MARF1: variants seen among roughly 807,000 people sequenced by gnomAD.
The protein encoded by MARF1 is meiosis regulator and mRNA stability factor 1, also known as limkain-b1.
In MARF1, 24 loss-of-function variants were observed where a neutral mutation model predicts 168.2. The observed-to-expected ratio is 0.14, with a 90% CI of 0.10 to 0.20. The LOEUF (loss-of-function observed/expected upper bound fraction) is 0.20. Among genes scored for constraint, MARF1 ranks in the 10% least tolerant of loss-of-function variants. The probability of loss-of-function intolerance (pLI) is 1.00; values close to 1 mark genes in which losing one functional copy is unlikely to be tolerated. For synonymous variants in MARF1, 868 were observed against 822.4 expected (o/e 1.06, Z -0.95); for missense variants, 1,744 against 2,143.6 (o/e 0.81, Z 3.68).
At position 15,602,623 on chromosome 16, in the gene MARF1, A is replaced by AAGGAAAGGAGGGAGGCAGAG. The variant is rs1555520448; in HGVS notation, c.4414-421_4414-420insCTCTGCCTCCCTCCTTTCCT. 4.8e-5 allele frequency: 22 copies of AAGGAAAGGAGGGAGGCAGAG among 455,302 alleles called. No homozygotes were observed. In the Middle Eastern group the frequency reaches 1.4e-3, roughly 29 times the overall value. The allele number at this position is 455,302 out of a possible 1,614,324, so 28.2% of individuals were successfully genotyped here. A position where few individuals can be genotyped will look rare whatever the true frequency, so the allele number is the denominator to read the frequency against. ...CAAAGAAGAAGAAAGGAGGAGGAGG[A>AAGGAAAGGAGGGAGGCAGAG]AGGAAAGAAGGAAGAGGAGAAAGAA... On this transcript the variant is annotated intron_variant, in intron 22 of 26. Coordinates refer to ENST00000396368, the MANE Select transcript of MARF1 (RefSeq NM_014647.4).
chr16:15,600,743 G>A (rs1461464530), intron 23 of MARF1, 42 bp from the exon 24 acceptor site: 28 of 1,601,478 alleles, frequency 1.7e-5, no homozygotes, highest in East Asian at 4.5e-5. Flanking sequence ...CGGAAAAGGA[G>A]GGGACAGAAG....
chr16:15,618,872 G>A (rs2034253179), intron 13 of MARF1, among the ~76,000 whole-genome samples: 1 of 152,194 alleles, frequency 6.6e-6, no homozygotes, highest in Non-Finnish European at 1.5e-5. Context: ...TCCTTGCCAT[G>A]CTTTATTTCC....
In MARF1 at chr16:15,637,729, T is replaced by C. The variant is rs191037961; in HGVS notation, c.144+1361A>G. The stretch of plus-strand genomic sequence containing the variant: ...ATCTACCACCCCATCCCAGGAAGCC[T>C]TGCTTTTGATGCCAACCCTCACTGT... On this transcript the variant is annotated intron_variant, in intron 2 of 26. Transcript: ENST00000396368. Among the ~76,000 whole-genome samples the C allele has an allele frequency of 5.4e-4, 82 of 152,318 alleles. 1 individual carries two copies. Among genetic ancestry groups the C allele is most frequent in the Non-Finnish European group, 9.9e-4 (67 of 68,006 alleles).
intron 21 of MARF1, among the ~76,000 whole-genome samples, chr16:15,606,428 C>T (rs2033019007): frequency 6.6e-6 from 1 of 152,156 alleles, no homozygotes; most frequent in Non-Finnish European, 1.5e-5. Flanking sequence ...TGCCAACTTG[C>T]AGTGAGCTCT....
Position 15,600,428 on chromosome 16 carries a change from C to T in MARF1, c.4813G>A (p.Gly1605Arg), listed in dbSNP as rs2032297381. Reference sequence around the variant, plus strand: ...TATGTCTCTGCTTTTCCTCTCTTACCACTGCCGTCAGCTCCAAGCTTGAGT... The same window carrying T: ...TATGTCTCTGCTTTTCCTCTCTTACTACTGCCGTCAGCTCCAAGCTTGAGT... ...SELKLGADGS[G>R]PSHTEQELLR... The change falls in exon 25 of 27, where the codon GGG (glycine) becomes AGG (arginine). Residue 1605 changes from glycine (G) to arginine (R), a missense_variant and splice_region_variant. This residue lies in a region of MARF1 where 313 missense variants were observed against 337.4 expected (regional missense o/e 0.93). Coordinates refer to ENST00000396368, the MANE Select transcript of MARF1 (RefSeq NM_014647.4). The T allele has an allele frequency of 6.2e-7, 1 of 1,614,012 alleles. No homozygotes were observed.
At chr16:15,637,478 C>T (rs982152597) in intron 2 of MARF1, among the ~76,000 whole-genome samples, 2 of 152,230 alleles carry the variant, frequency 1.3e-5, no homozygotes, top group Non-Finnish European at 2.9e-5. Context: ...AGGGAGATAA[C>T]AGCAACGGGC....
intron 8 of MARF1, 79 bp from the exon 9 acceptor site, chr16:15,625,252 T>C: frequency 6.4e-7 from 1 of 1,567,756 alleles, no homozygotes; most frequent in East Asian, 2.3e-5. Context: ...AACGATTGAC[T>C]TTGAGTATCA....
In MARF1 at chr16:15,639,193, G is replaced by A; in HGVS notation, c.41C>T (p.Thr14Ile). The A allele has an allele frequency of 2.5e-6, 4 of 1,614,104 alleles. No homozygotes were observed. Among genetic ancestry groups the A allele is most frequent in the Non-Finnish European group, 3.4e-6 (4 of 1,179,994 alleles). ...GNGTENSCSR[T>I]RGWLQQDNDA... ...ATTATCTTGTTGAAGCCATCCACGT[G>A]TTCTACTGCAGGAGTTCTCAGTTCC... Residue 14 changes from threonine (T) to isoleucine (I), a missense_variant, in exon 2 of 27, where the codon ACA becomes ATA. By Grantham distance (89) the Thr-to-Ile change is moderately conservative. Coordinates refer to ENST00000396368, the MANE Select transcript of MARF1 (RefSeq NM_014647.4).
rs186303786 is a variant in MARF1, at chr16:15,617,264, A to T, written c.2957+35T>A. On this transcript the variant is annotated intron_variant, in intron 14 of 26. Coordinates refer to ENST00000396368, the MANE Select transcript of MARF1 (RefSeq NM_014647.4). ...CTAACATGTTCCACAATCTTATAGA[A>T]AAGAATTACTTCTAAAGGAAAACGA... 4.9e-4 allele frequency: 794 copies of T among 1,610,618 alleles called. 4 individuals are homozygous for T. The highest frequency in any genetic ancestry group is 4.7e-5 in the Non-Finnish European group (55 of 1,177,170).
At chr16:15,598,815 C>A (rs777573537) in intron 26 of MARF1, 39 bp downstream of exon 26, 10 of 1,605,092 alleles carry the variant, frequency 6.2e-6, no homozygotes, top group Non-Finnish European at 7.7e-6. Context: ...TTGTTTTAAA[C>A]CCCGAAGAAA....
In MARF1 at chr16:15,608,487, G is replaced by A. The variant is rs2033221310; in HGVS notation, c.3986C>T (p.Thr1329Ile). 2 of 1,614,040 alleles carry A rather than the reference G, an allele frequency of 1.2e-6. No individual in the cohort carries two copies. The highest frequency in any genetic ancestry group is 1.7e-6 in the Non-Finnish European group (2 of 1,179,958). The change falls in exon 21 of 27, where the codon ACT becomes ATT. Residue 1329 changes from threonine to isoleucine, a missense_variant. Physicochemically the swap from Thr to Ile is moderately conservative, Grantham distance 89. Coordinates refer to ENST00000396368, the MANE Select transcript of MARF1 (RefSeq NM_014647.4). ...TTTGAACCGCTCCACCTCTGTCAGA[G>A]TAAGGATCTTTTCTTCTCCACATTC... Reference protein sequence around the residue: ...VLECGEEKILTLTEVERFKAL... With the variant: ...VLECGEEKILILTEVERFKAL...
intron 26 of MARF1, among the ~76,000 whole-genome samples, chr16:15,598,508 C>T (rs1444381912): frequency 2.6e-5 from 4 of 152,142 alleles, no homozygotes; most frequent in Non-Finnish European, 5.9e-5. Flanking sequence ...GTGACGTGTA[C>T]ATCTGGTGAC....
At chr16:15,619,459 C>T (rs570239881) in intron 13 of MARF1, among the ~76,000 whole-genome samples, 3 of 152,218 alleles carry the variant, frequency 2.0e-5, no homozygotes, top group Non-Finnish European at 4.4e-5. Context: ...TCAGACACCA[C>T]TGCTACGAGA....
chr16:15,601,141 C>A (rs1053701504), intron 23 of MARF1: 7 of 457,982 alleles, frequency 1.5e-5, no homozygotes, highest in Non-Finnish European at 3.1e-5. Context: ...TGCCGCTCTC[C>A]ATCTCAGCCA....
intron 19 of MARF1, 152 bp downstream of exon 19, chr16:15,610,823 C>A (rs1156357604): frequency 7.0e-6 from 5 of 715,954 alleles, no homozygotes; most frequent in Non-Finnish European, 9.2e-6. Context: ...TTGAAGAACA[C>A]AGAATCCAAA....
chr16:15,622,851 G>T, intron 11 of MARF1, 83 bp downstream of exon 11: 1 of 1,133,532 alleles, frequency 8.8e-7, no homozygotes, highest in Non-Finnish European at 1.2e-6. Context: ...CCCGGCTGTG[G>T]TTATGTATAT....
rs1024298700 is a variant in MARF1, at chr16:15,596,230, G to C, written c.*463C>G. Reference sequence around the variant, plus strand: ...CACACAGGCTAGCGGGACAGGCTTTGCTTCAAAGACATGCCACGCACTGGG... The same window carrying C: ...CACACAGGCTAGCGGGACAGGCTTTCCTTCAAAGACATGCCACGCACTGGG... On this transcript the variant is annotated 3_prime_UTR_variant, in exon 27 of 27. Coordinates refer to ENST00000396368, the MANE Select transcript of MARF1 (RefSeq NM_014647.4). 6 of 153,104 alleles carry C rather than the reference G, an allele frequency of 3.9e-5. No individual in the cohort carries two copies. The highest frequency in any genetic ancestry group is 1.4e-4 in the African/African-American group (6 of 41,570). 9.5% of individuals were successfully genotyped at this position (153,104 alleles called of 1,614,324 possible).
At chr16:15,631,026 A>C (rs2035216344) in intron 6 of MARF1, among the ~76,000 whole-genome samples, 2 of 152,122 alleles carry the variant, frequency 1.3e-5, no homozygotes, top group African/African-American at 4.8e-5. Context: ...GCTACTTGGG[A>C]GGCTGAGGCA....
chr16:15,625,456 A>G lies in MARF1; in HGVS notation c.1869T>C (p.Ser623=), dbSNP rs745989400. Residue 623 remains serine (S), a synonymous_variant, in exon 8 of 27, where the codon TCT becomes TCC. Transcript: ENST00000396368. ...LCLIKDASEQ[S]SSAKATPGKG... ...TTCCAGGCGTGGCTTTGGCACTGGA[A>G]GATTGTTCACTTGCATCTTTGATGA... The G allele has an allele frequency of 6.2e-7, 1 of 1,614,188 alleles. No individual in the cohort carries two copies. The highest frequency in any genetic ancestry group is 8.5e-7 in the Non-Finnish European group (1 of 1,180,026).
Sources: gnomAD v4.1 joint callset for allele counts (sites outside exome capture counted in the v4.1 genomes callset) on GRCh38, gnomAD v4.1.1 for gene constraint, gnomAD v4.1.1 regional missense constraint, MANE v1.5 for transcripts, NCBI Gene and HGNC (gene_info 2026-07-23, HGNC 2026-07-21) for gene names.